ZCCHC14: variants seen among roughly 807,000 people sequenced by gnomAD.
ZCCHC14 encodes zinc finger CCHC domain-containing protein 14.
Under a neutral mutation model 85.0 loss-of-function variants are expected in ZCCHC14, and 16 were observed. The observed-to-expected ratio is 0.19, with a 90% CI of 0.13 to 0.29. The LOEUF is 0.29. Among genes scored for constraint, ZCCHC14 ranks in the 10% least tolerant of loss-of-function variants. The pLI, the probability that ZCCHC14 is intolerant of heterozygous loss-of-function variation, is 1.00. For missense variants in ZCCHC14, 1,303 were observed against 1,443.5 expected (o/e 0.90, Z 1.58); for synonymous variants, 775 against 630.7 (o/e 1.23, Z -3.43).
chr16:87,468,466 A>T (rs1019336784), intron 1 of ZCCHC14, among the ~76,000 whole-genome samples: 2 of 150,388 alleles, frequency 1.3e-5, no homozygotes, highest in Non-Finnish European at 3.0e-5. Context: ...ACATAGTCAA[A>T]AAAAAAAAAA....
intron 1 of ZCCHC14, among the ~76,000 whole-genome samples, chr16:87,489,316 C>T (rs1415032451): frequency 6.6e-6 from 1 of 152,186 alleles, no homozygotes; most frequent in African/African-American, 2.4e-5. Flanking sequence ...CAGAATCTTC[C>T]AGTTTTCCAA....
intron 1 of ZCCHC14, among the ~76,000 whole-genome samples, chr16:87,468,297 TTTTA>T (rs776497455): frequency 5.3e-5 from 8 of 152,288 alleles, no homozygotes; most frequent in Non-Finnish European, 7.4e-5. Context: ...ATGGTAAGGA[TTTTA>T]TTTAACATTT....
chr16:87,414,796 C>G (rs1304328983), intron 9 of ZCCHC14, among the ~76,000 whole-genome samples: 1 of 152,250 alleles, frequency 6.6e-6, no homozygotes, highest in African/African-American at 2.4e-5. Flanking sequence ...AAAAGCATGA[C>G]TAGGCCAGGC....
chr16:87,418,858 G>T lies in ZCCHC14; in HGVS notation c.1089C>A (p.Gly363=). The T allele has an allele frequency of 1.2e-6, 2 of 1,613,204 alleles. No homozygotes were observed. Among genetic ancestry groups the T allele is most frequent in the Non-Finnish European group, 1.7e-6 (2 of 1,179,420 alleles). The stretch of plus-strand genomic sequence containing the variant: ...AGAAGATTTCTCACCTTCCAGACAC[G>T]CCCATCACGGTACCTACTTTAGAAA... ...PSLSKVGTVM[G]VSGRPVCGVA... The change falls in exon 7 of 13, where the codon GGC becomes GGA. Residue 363 remains glycine, a synonymous_variant. Transcript: ENST00000671377.
chr16:87,468,028 C>T (rs530175521), intron 1 of ZCCHC14, among the ~76,000 whole-genome samples: 126 of 152,290 alleles, frequency 8.3e-4, no homozygotes, highest in Non-Finnish European at 7.4e-5. Flanking sequence ...TGAGCCACCG[C>T]GCCTGGCCCA....
intron 1 of ZCCHC14, among the ~76,000 whole-genome samples, chr16:87,476,969 A>T (rs1912034334): frequency 6.6e-6 from 1 of 151,738 alleles, no homozygotes. Flanking sequence ...TAATAAAAAT[A>T]CAAAAATTAG....
intron 2 of ZCCHC14, among the ~76,000 whole-genome samples, chr16:87,448,975 G>C (rs1910566306): frequency 6.6e-6 from 1 of 152,338 alleles, no homozygotes; most frequent in Middle Eastern, 3.4e-3. Flanking sequence ...AAGCGACCGT[G>C]TGCCGGCCCA....
chr16:87,483,151 C>T (rs767285504), intron 1 of ZCCHC14, among the ~76,000 whole-genome samples: 22 of 151,664 alleles, frequency 1.5e-4, no homozygotes, highest in Non-Finnish European at 2.6e-4. Context: ...TTGAAACTTA[C>T]GGAGTTTCTA....
chr16:87,464,923 GCTC>G (rs1175004986), intron 1 of ZCCHC14, among the ~76,000 whole-genome samples: 2 of 152,294 alleles, frequency 1.3e-5, no homozygotes, highest in Admixed American at 1.3e-4. Flanking sequence ...AGACTGACCG[GCTC>G]CAAAGGCTGC....
chr16:87,452,790 T>C (rs970460460), intron 2 of ZCCHC14, among the ~76,000 whole-genome samples: 40 of 151,232 alleles, frequency 2.6e-4, no homozygotes, highest in Admixed American at 7.2e-4. Flanking sequence ...GTGACCCCCC[T>C]CGTGACAGCA....
In ZCCHC14 at chr16:87,418,899, G is replaced by C; in HGVS notation, c.1048C>G (p.Pro350Ala). The change falls in exon 7 of 13, where the codon CCT becomes GCT. Residue 350 changes from proline to alanine, a missense_variant and splice_region_variant. Transcript: ENST00000671377. ...ACTTTAGAAAGGGAGGGATTGCCAG[G>C]ACCTATAAATTTAAAAATAAATACC... Reference protein sequence around the residue: ...SPPQQLQSPSPGNPSLSKVGT... With the variant: ...SPPQQLQSPSAGNPSLSKVGT... The C allele has an allele frequency of 6.2e-7, 1 of 1,609,534 alleles. No homozygotes were observed. The highest frequency in any genetic ancestry group is 8.5e-7 in the Non-Finnish European group (1 of 1,177,336).
chr16:87,434,905 T>C (rs12599307), intron 2 of ZCCHC14, among the ~76,000 whole-genome samples: 149,604 of 150,832 alleles, frequency 0.99, 74,212 homozygotes, highest in Middle Eastern at 1. Flanking sequence ...GCAGGAGAAT[T>C]GCTTGAACCT....
rs149121192 is a variant in ZCCHC14, at chr16:87,461,742, C to T, written c.571-1611G>A. 5.6e-4 allele frequency among the ~76,000 whole-genome samples: 86 copies of T among 152,296 alleles called. 1 individual carries two copies. Among genetic ancestry groups the T allele is most frequent in the African/African-American group, 1.9e-3 (80 of 41,564 alleles). ...GAAAGGGTGGAGACTGCTGCCACTC[C>T]GGCAGGACCAGCACCTGCTGTATTC... On this transcript the variant is annotated intron_variant, in intron 1 of 12. Coordinates refer to ENST00000671377, the MANE Select transcript of ZCCHC14 (RefSeq NM_015144.3).
At chr16:87,458,492 C>A (rs899154497) in intron 2 of ZCCHC14, among the ~76,000 whole-genome samples, 5 of 152,158 alleles carry the variant, frequency 3.3e-5, no homozygotes, top group African/African-American at 1.2e-4. Flanking sequence ...CAGGAGCCCT[C>A]GCAGGGCTGC....
chr16:87,433,269 T>C lies in ZCCHC14; in HGVS notation c.695-68A>G, dbSNP rs189135807. ...AAGTATATACATGATTATTTAGCAT[T>C]TGATATTCAGCAGTTTTCAAAACCA... On this transcript the variant is annotated intron_variant, in intron 2 of 12. Coordinates refer to ENST00000671377, the MANE Select transcript of ZCCHC14 (RefSeq NM_015144.3). 61 of 1,470,558 alleles carry C rather than the reference T, an allele frequency of 4.1e-5. No homozygotes were observed. The African/African-American group carries it at 6.0e-4, about 14-fold the overall frequency. The allele number at this position is 1,470,558 out of a possible 1,614,324, so 91.1% of individuals were successfully genotyped here.
rs1415188230 is a variant in ZCCHC14, at chr16:87,479,333, T to C, written c.570+12336A>G. 4.6e-5 allele frequency among the ~76,000 whole-genome samples: 7 copies of C among 151,918 alleles called. No individual in the cohort carries two copies. In the East Asian group the frequency reaches 7.8e-4, roughly 17 times the overall value. On this transcript the variant is annotated intron_variant, in intron 1 of 12. Transcript: ENST00000671377. Reference sequence around the variant, plus strand: ...CAGGAGGCTGAGGCAGGAGAGTCGCTTGAACCCGGGAGACAGAGGTTTGCA... The same window carrying C: ...CAGGAGGCTGAGGCAGGAGAGTCGCCTGAACCCGGGAGACAGAGGTTTGCA...
rs1207425590 is a variant in ZCCHC14 at position 87,455,018 on chromosome 16, G to T, written c.694+4990C>A. ...TAAAAAATCCTGGAGGCCGAGCGCCGTGGCTCACATCTGTAATCCCAGCAC... is the reference window on the plus strand; with the variant it reads ...TAAAAAATCCTGGAGGCCGAGCGCCTTGGCTCACATCTGTAATCCCAGCAC... On this transcript the variant is annotated intron_variant, in intron 2 of 12. Coordinates refer to ENST00000671377, the MANE Select transcript of ZCCHC14 (RefSeq NM_015144.3). 2.6e-5 allele frequency among the ~76,000 whole-genome samples: 4 copies of T among 152,352 alleles called. 1 individual carries two copies. In the Middle Eastern group the frequency reaches 0.014, roughly 518 times the overall value.
At chr16:87,472,426 C>G (rs1195571897) in intron 1 of ZCCHC14, 1 of 152,360 alleles carries the variant, frequency 6.6e-6, no homozygotes, top group East Asian at 1.9e-4. Flanking sequence ...CACCGTGCAC[C>G]GAGGCACGCA....
intron 8 of ZCCHC14, among the ~76,000 whole-genome samples, chr16:87,416,117 G>T (rs923158547): frequency 1.7e-4 from 26 of 151,946 alleles, no homozygotes; most frequent in Admixed American, 1.7e-3. Context: ...GTAGAGACGG[G>T]GTTTCACCAT....
Sources: gnomAD v4.1 joint callset for allele counts (sites outside exome capture counted in the v4.1 genomes callset) on GRCh38, gnomAD v4.1.1 for gene constraint, MANE v1.5 for transcripts, NCBI Gene and HGNC (gene_info 2026-07-23, HGNC 2026-07-21) for gene names.